Variants in SNTG1 observed in about 807,000 individuals in gnomAD.
SNTG1 encodes syntrophin gamma 1.
A neutral mutation model predicts 74.7 loss-of-function variants in SNTG1; 39 were observed. That is an observed-to-expected ratio of 0.52 (90% CI 0.40 to 0.68). The LOEUF (loss-of-function observed/expected upper bound fraction) is 0.68. Ranked by LOEUF, SNTG1 falls within the 30% of genes least tolerant of loss-of-function variation. SNTG1 has a pLI of 0.00. For synonymous variants in SNTG1, 254 were observed against 217.1 expected (o/e 1.17, Z -1.49); for missense variants, 685 against 609.5 (o/e 1.12, Z -1.30).
At chr8:50,064,424 T>A (rs905865577) in intron 1 of SNTG1, among the ~76,000 whole-genome samples, 4 of 152,202 alleles carry the variant, frequency 2.6e-5, no homozygotes, top group Admixed American at 2.6e-4. Flanking sequence ...GCTCCCACCA[T>A]CACTCCTACA....
At chr8:50,267,226 T>A (rs2087528113) in intron 2 of SNTG1, among the ~76,000 whole-genome samples, 1 of 152,168 alleles carries the variant, frequency 6.6e-6, no homozygotes, top group African/African-American at 2.4e-5. Context: ...ACCTAAATAA[T>A]TTTATATAGC....
chr8:50,466,540 A>G (rs903882438), intron 8 of SNTG1, among the ~76,000 whole-genome samples: 5 of 152,024 alleles, frequency 3.3e-5, no homozygotes, highest in Non-Finnish European at 7.4e-5. Flanking sequence ...TGTTTCATAT[A>G]CATTTTAAAA....
chr8:50,467,511 T>C (rs1362956374), intron 8 of SNTG1, among the ~76,000 whole-genome samples: 1 of 151,898 alleles, frequency 6.6e-6, no homozygotes, highest in Non-Finnish European at 1.5e-5. Flanking sequence ...ACACTGGTAA[T>C]TTGTATCTTT....
chr8:50,054,459 C>T (rs1819854334), intron 1 of SNTG1, among the ~76,000 whole-genome samples: 3 of 152,046 alleles, frequency 2.0e-5, no homozygotes, highest in African/African-American at 7.2e-5. Flanking sequence ...TACTGCTATC[C>T]TTGGCCAAGG....
At chr8:50,084,303 A>C (rs767044094) in intron 1 of SNTG1, among the ~76,000 whole-genome samples, 16 of 151,972 alleles carry the variant, frequency 1.1e-4, no homozygotes, top group South Asian at 2.1e-4. Context: ...CTAAAAAAAA[A>C]CACAAAGATT....
intron 2 of SNTG1, among the ~76,000 whole-genome samples, chr8:50,266,874 A>G (rs1259734755): frequency 6.6e-6 from 1 of 151,844 alleles, no homozygotes; most frequent in African/African-American, 2.4e-5. Flanking sequence ...GACTGGAAAA[A>G]TCCCCTGAAG....
Position 50,693,910 on chromosome 8 carries a change from A to G in SNTG1, c.1039-10690A>G, listed in dbSNP as rs561529915. Reference sequence around the variant, plus strand: ...ATACATTTAAAAATTTCTTAAGACAAATGAAAATGAAAACATAACATACCA... The same window carrying G: ...ATACATTTAAAAATTTCTTAAGACAGATGAAAATGAAAACATAACATACCA... On this transcript the variant is annotated intron_variant, in intron 15 of 18. Coordinates refer to ENST00000642720, the MANE Select transcript of SNTG1 (RefSeq NM_018967.5). 2.0e-5 allele frequency among the ~76,000 whole-genome samples: 3 copies of G among 152,310 alleles called. No individual in the cohort carries two copies. The East Asian group carries it at 5.8e-4, about 29-fold the overall frequency.
intron 4 of SNTG1, among the ~76,000 whole-genome samples, chr8:50,405,247 A>C (rs2092857619): frequency 6.6e-6 from 1 of 152,070 alleles, no homozygotes; most frequent in African/African-American, 2.4e-5. Context: ...CAGTAGTTGT[A>C]CCATTTTCCA....
At chr8:50,686,828 A>C (rs1286187257) in intron 15 of SNTG1, among the ~76,000 whole-genome samples, 1 of 152,190 alleles carries the variant, frequency 6.6e-6, no homozygotes, top group Non-Finnish European at 1.5e-5. Context: ...CAAAAATTGC[A>C]TGACCTGCAC....
In SNTG1 at chr8:50,632,285, T is replaced by TTTTATTTA. The variant is rs745874673; in HGVS notation, c.850-24588_850-24581dup. ...TATTTTATTTTAATAGTCTTTTTAA[T>TTTTATTTA]TTTATTTATTTATTTATTTATTTAT... On this transcript the variant is annotated intron_variant, in intron 13 of 18. Transcript: ENST00000642720. 1.5e-3 allele frequency among the ~76,000 whole-genome samples: 208 copies of TTTTATTTA among 134,402 alleles called. 2 individuals are homozygous for TTTTATTTA. Among genetic ancestry groups the TTTTATTTA allele is most frequent in the Middle Eastern group, 3.6e-3 (1 of 280 alleles). 88.2% of individuals were successfully genotyped at this position (134,402 alleles called of 152,430 possible).
intron 18 of SNTG1, among the ~76,000 whole-genome samples, chr8:50,763,528 T>C (rs1196226371): frequency 1.3e-5 from 2 of 151,552 alleles, no homozygotes; most frequent in Non-Finnish European, 1.5e-5. Context: ...TTTATTTTAT[T>C]GGTTGATGTG....
chr8:50,619,984 A>C (rs993906956), intron 13 of SNTG1, among the ~76,000 whole-genome samples: 4 of 151,654 alleles, frequency 2.6e-5, no homozygotes, highest in African/African-American at 9.7e-5. Flanking sequence ...CAAATTCAGC[A>C]GCTTAAACAG....
intron 8 of SNTG1, among the ~76,000 whole-genome samples, chr8:50,499,549 T>A (rs1269803202): frequency 6.6e-6 from 1 of 151,718 alleles, no homozygotes; most frequent in East Asian, 1.9e-4. Flanking sequence ...TCCTGCCTAG[T>A]ACCTTTATGG....
intron 2 of SNTG1, among the ~76,000 whole-genome samples, chr8:50,375,468 G>A (rs35894781): frequency 0.16 from 23,746 of 151,990 alleles, 2,296 homozygotes; most frequent in Middle Eastern, 0.24. Flanking sequence ...CAAGGGCATG[G>A]CAGCTGTGGG....
intron 15 of SNTG1, among the ~76,000 whole-genome samples, chr8:50,659,558 A>G (rs985841462): frequency 6.6e-6 from 1 of 152,214 alleles, no homozygotes; most frequent in African/African-American, 2.4e-5. Context: ...TAATTACCTC[A>G]AAATTGTTTA....
chr8:50,334,604 C>T (rs2091078846), intron 2 of SNTG1, among the ~76,000 whole-genome samples: 2 of 151,738 alleles, frequency 1.3e-5, no homozygotes, highest in Non-Finnish European at 2.9e-5. Context: ...GAAGACTAAC[C>T]TGGGAGAACA....
intron 1 of SNTG1, among the ~76,000 whole-genome samples, chr8:50,044,408 A>T (rs142682511): frequency 2.8e-4 from 42 of 152,312 alleles, no homozygotes; most frequent in African/African-American, 9.9e-4. Flanking sequence ...TTGGGCCAAA[A>T]TTAAACCGGA....
At chr8:50,309,524 C>G (rs568188956) in intron 2 of SNTG1, among the ~76,000 whole-genome samples, 1 of 152,108 alleles carries the variant, frequency 6.6e-6, no homozygotes, top group Non-Finnish European at 1.5e-5. Context: ...CATACTTCAA[C>G]GAGATGAGTG....
chr8:50,626,937 A>AAT (rs919677339), intron 13 of SNTG1, among the ~76,000 whole-genome samples: 7 of 152,140 alleles, frequency 4.6e-5, no homozygotes, highest in South Asian at 2.1e-4. Flanking sequence ...TTGTGGAAAA[A>AAT]ATATATATAT....
Sources: allele counts gnomAD v4.1 joint callset (sites outside exome capture counted in the v4.1 genomes callset), GRCh38; gene constraint gnomAD v4.1.1; transcripts MANE v1.5; gene names NCBI Gene and HGNC (gene_info 2026-07-23, HGNC 2026-07-21).